REV3L: variants seen among roughly 807,000 people sequenced by gnomAD.
REV3L encodes DNA polymerase zeta catalytic subunit.
In REV3L, 69 loss-of-function variants were observed where a neutral mutation model predicts 299.4. The observed-to-expected ratio is 0.23, with a 90% CI of 0.19 to 0.28. The LOEUF (loss-of-function observed/expected upper bound fraction) is 0.28, where lower values mean the gene tolerates loss of function less well. REV3L is among the 10% of genes least tolerant of loss of function. The pLI is 1.00. For synonymous variants in REV3L, 1,238 were observed against 1,271.4 expected (o/e 0.97, Z 0.56); for missense variants, 3,128 against 3,693.8 (o/e 0.85, Z 3.97).
chr6:111,324,413 C>T (rs773519765), intron 25 of REV3L, among the ~76,000 whole-genome samples: 3 of 152,168 alleles, frequency 2.0e-5, no homozygotes, highest in Non-Finnish European at 2.9e-5. Flanking sequence ...AATGGAAACT[C>T]AAATTGAATA....
At chr6:111,394,600 G>A (rs1782281649) in intron 4 of REV3L, among the ~76,000 whole-genome samples, 1 of 152,076 alleles carries the variant, frequency 6.6e-6, no homozygotes, top group Middle Eastern at 3.2e-3. Flanking sequence ...CTGTGCAGAA[G>A]CTTTTACACA....
At chr6:111,435,914 T>C (rs774307374) in intron 1 of REV3L, among the ~76,000 whole-genome samples, 2 of 152,196 alleles carry the variant, frequency 1.3e-5, no homozygotes, top group Admixed American at 1.3e-4. Context: ...TCATCTAACA[T>C]GGGATTAACA....
intron 1 of REV3L, among the ~76,000 whole-genome samples, chr6:111,470,005 T>G (rs1366715951): frequency 2.0e-5 from 3 of 152,294 alleles, no homozygotes; most frequent in Admixed American, 2.0e-4. Flanking sequence ...ACTATTTAAT[T>G]ACACTGAACT....
intron 4 of REV3L, among the ~76,000 whole-genome samples, chr6:111,403,321 A>G (rs183602377): frequency 1.9e-4 from 29 of 152,348 alleles, no homozygotes; most frequent in African/African-American, 6.5e-4. Flanking sequence ...TGATGGTTGC[A>G]TAACTCCAAA....
chr6:111,338,261 GTGTTTTAAAACATAC>G (rs1305702863), intron 21 of REV3L, among the ~76,000 whole-genome samples: 1 of 128,270 alleles, frequency 7.8e-6, no homozygotes, highest in Non-Finnish European at 1.6e-5. Flanking sequence ...TTCGGAAAAT[GTGTTTTAAAACATAC>G]TGGTTTATTT....
chr6:111,465,051 T>C (rs995715450), intron 1 of REV3L, among the ~76,000 whole-genome samples: 9 of 149,268 alleles, frequency 6.0e-5, no homozygotes, highest in African/African-American at 9.8e-5. Context: ...AGTCACACAC[T>C]AAAGGAAAGG....
intron 13 of REV3L, among the ~76,000 whole-genome samples, chr6:111,369,362 T>C (rs1272143363): frequency 6.6e-6 from 1 of 151,396 alleles, no homozygotes; most frequent in African/African-American, 2.4e-5. Flanking sequence ...TGGTAATTGC[T>C]ATAACCCACT....
Position 111,422,656 on chromosome 6 carries a change from ATATATACATATATATATATATACG to A in REV3L, c.140-6208_140-6185del, listed in dbSNP as rs1308424313. On this transcript the variant is annotated intron_variant, in intron 1 of 31. Coordinates refer to ENST00000368802, the MANE Select transcript of REV3L (RefSeq NM_001372078.1). ...CACATATATATATATATACATATAT[ATATATACATATATATATATATACG>A]TATATATATATATATATATATTTCC... 5.4e-3 allele frequency among the ~76,000 whole-genome samples: 219 copies of A among 40,314 alleles called. 29 individuals carry two copies. Among genetic ancestry groups the A allele is most frequent in the Non-Finnish European group, 5.3e-3 (67 of 12,600 alleles). The allele number at this position is 40,314 out of a possible 152,430, so 26.4% of individuals were successfully genotyped here.
intron 3 of REV3L, among the ~76,000 whole-genome samples, chr6:111,406,901 T>A (rs1783693880): frequency 6.6e-6 from 1 of 152,220 alleles, no homozygotes; most frequent in African/African-American, 2.4e-5. Flanking sequence ...TGTGCTAACG[T>A]ACTTTATTAC....
chr6:111,363,440 A>G (rs1218721599), intron 16 of REV3L, among the ~76,000 whole-genome samples: 12 of 151,886 alleles, frequency 7.9e-5, no homozygotes, highest in African/African-American at 2.9e-4. Context: ...CAAGTAGCTG[A>G]GACTATAGGT....
intron 1 of REV3L, among the ~76,000 whole-genome samples, chr6:111,425,922 G>A (rs1003165158): frequency 3.3e-5 from 5 of 152,148 alleles, no homozygotes; most frequent in African/African-American, 1.2e-4. Context: ...TTTACAAGAG[G>A]GGGTATGATA....
intron 2 of REV3L, among the ~76,000 whole-genome samples, chr6:111,415,471 C>T (rs1474918277): frequency 6.6e-6 from 1 of 152,144 alleles, no homozygotes; most frequent in African/African-American, 2.4e-5. Flanking sequence ...TGGGGCCATT[C>T]ACTCATTCTC....
chr6:111,466,809 T>C (rs903806255), intron 1 of REV3L, among the ~76,000 whole-genome samples: 12 of 152,072 alleles, frequency 7.9e-5, no homozygotes, highest in Non-Finnish European at 1.5e-4. Flanking sequence ...ACCACAGCAC[T>C]CTAGCCTGGG....
intron 1 of REV3L, chr6:111,430,526 T>C: frequency 6.4e-6 from 10 of 1,569,736 alleles, no homozygotes; most frequent in Non-Finnish European, 8.8e-6. Context: ...TTCTTAGACA[T>C]GAAAGAATTC....
chr6:111,346,786 G>C (rs993480451), intron 20 of REV3L, among the ~76,000 whole-genome samples: 2 of 152,206 alleles, frequency 1.3e-5, no homozygotes, highest in Non-Finnish European at 2.9e-5. Flanking sequence ...GTGAGGACTA[G>C]AGAAGGCCCT....
intron 27 of REV3L, 89 bp from the exon 28 acceptor site, chr6:111,313,578 A>G (rs1204707952): frequency 3.8e-6 from 5 of 1,302,598 alleles, no homozygotes; most frequent in Non-Finnish European, 5.2e-6. Context: ...TTCTTTAATC[A>G]AGTATCAATT....
intron 31 of REV3L, among the ~76,000 whole-genome samples, chr6:111,302,394 G>A (rs1295530929): frequency 6.6e-6 from 1 of 152,128 alleles, no homozygotes; most frequent in Non-Finnish European, 1.5e-5. Flanking sequence ...AAGCCAGGAT[G>A]GAATTACTTG....
At position 111,374,763 on chromosome 6, in the gene REV3L, T is replaced by G. The variant is rs1158989301; in HGVS notation, c.3592A>C (p.Asn1198His). 3 of 1,612,352 alleles carry G rather than the reference T, an allele frequency of 1.9e-6. No homozygotes were observed. The highest frequency in any genetic ancestry group is 2.5e-6 in the Non-Finnish European group (3 of 1,179,572). Residue 1198 changes from asparagine (N) to histidine (H), a missense_variant, in exon 13 of 32, where the codon AAT becomes CAT. Transcript: ENST00000368802. ...TKKRNKRNQT[N>H]KLVDDGKKKP... ...TTTTTTCCATCATCTACTAGTTTAT[T>G]TGTCTGATTTCGTTTGTTCCTTTTC...
intron 1 of REV3L, among the ~76,000 whole-genome samples, chr6:111,427,640 A>G (rs1239950313): frequency 6.6e-6 from 1 of 152,208 alleles, no homozygotes; most frequent in Non-Finnish European, 1.5e-5. Context: ...TCTGTCCAGC[A>G]CCAAGCATGC....
Sources: allele counts gnomAD v4.1 joint callset (sites outside exome capture counted in the v4.1 genomes callset), GRCh38; gene constraint gnomAD v4.1.1; transcripts MANE v1.5; gene names NCBI Gene and HGNC (gene_info 2026-07-23, HGNC 2026-07-21).